MAPK10: variants seen among roughly 807,000 people sequenced by gnomAD.
MAPK10 encodes mitogen-activated protein kinase 10.
In MAPK10, 25 loss-of-function variants were observed where a neutral mutation model predicts 59.3. The observed-to-expected ratio is 0.42, with a 90% CI of 0.31 to 0.59. The LOEUF is 0.59. Among genes scored for constraint, MAPK10 ranks in the 20% least tolerant of loss-of-function variants. The pLI is 0.15. For missense variants in MAPK10, 351 were observed against 568.9 expected (o/e 0.62, Z 3.90); for synonymous variants, 190 against 200.5 (o/e 0.95, Z 0.44).
At chr4:86,148,777 A>G (rs2065645886) in intron 4 of MAPK10, among the ~76,000 whole-genome samples, 1 of 152,238 alleles carries the variant, frequency 6.6e-6, no homozygotes, top group Non-Finnish European at 1.5e-5. Context: ...ATATCTGTGG[A>G]GGAATCTGAA....
At chr4:86,102,880 A>T (rs7688633) in intron 6 of MAPK10, 7,868 of 186,534 alleles carry the variant, frequency 0.042, 653 homozygotes, top group African/African-American at 0.17. Flanking sequence ...CTATTAATAA[A>T]TATAAATAAA....
intron 2 of MAPK10, among the ~76,000 whole-genome samples, chr4:86,232,534 C>A (rs1371298821): frequency 6.6e-6 from 1 of 152,140 alleles, no homozygotes; most frequent in Non-Finnish European, 1.5e-5. Flanking sequence ...CCACCACGCC[C>A]AGCTAATTTT....
At chr4:86,297,148 T>C (rs1260776266) in intron 2 of MAPK10, among the ~76,000 whole-genome samples, 1 of 152,218 alleles carries the variant, frequency 6.6e-6, no homozygotes, top group Non-Finnish European at 1.5e-5. Context: ...AAATCAGGGA[T>C]GTATTTTCAA....
intron 3 of MAPK10, among the ~76,000 whole-genome samples, chr4:86,171,798 A>G (rs1415396598): frequency 8.6e-5 from 13 of 151,110 alleles, no homozygotes; most frequent in Admixed American, 3.9e-4. Context: ...GCAACCTACA[A>G]AATGGGAGAA....
intron 11 of MAPK10, among the ~76,000 whole-genome samples, chr4:86,047,618 TTTTTC>T (rs1173279362): frequency 6.6e-6 from 1 of 152,126 alleles, no homozygotes; most frequent in Non-Finnish European, 1.5e-5. Context: ...CAGTGTATGG[TTTTTC>T]TTTTGTGTGT....
intron 1 of MAPK10, among the ~76,000 whole-genome samples, chr4:86,365,545 G>C (rs1175618486): frequency 6.9e-6 from 1 of 145,502 alleles, no homozygotes; most frequent in Non-Finnish European, 1.5e-5. Context: ...TCCATGTATA[G>C]CATATCATCT....
At chr4:86,150,158 G>A (rs2066055763) in intron 4 of MAPK10, among the ~76,000 whole-genome samples, 1 of 152,184 alleles carries the variant, frequency 6.6e-6, no homozygotes, top group Non-Finnish European at 1.5e-5. Context: ...CAACTTCAAT[G>A]GGGCTGAAGG....
chr4:86,029,139 C>G, intron 13 of MAPK10, 58 bp downstream of exon 13: 2 of 1,192,954 alleles, frequency 1.7e-6, no homozygotes, highest in South Asian at 2.4e-5. Flanking sequence ...AACCCCTACA[C>G]AAAGGCCAAG....
chr4:86,205,893 T>G (rs1295218250), intron 2 of MAPK10, among the ~76,000 whole-genome samples: 1 of 151,930 alleles, frequency 6.6e-6, no homozygotes, highest in African/African-American at 2.4e-5. Context: ...AAAGAGGCAT[T>G]CCCTCTCAGA....
chr4:86,450,474 A>C (rs1462490338), intron 1 of MAPK10, among the ~76,000 whole-genome samples: 2 of 152,220 alleles, frequency 1.3e-5, no homozygotes, highest in Non-Finnish European at 2.9e-5. Flanking sequence ...TTGAAAACAG[A>C]AAGTATTATA....
intron 9 of MAPK10, among the ~76,000 whole-genome samples, chr4:86,075,812 G>T (rs372730393): frequency 6.6e-6 from 1 of 152,080 alleles, no homozygotes; most frequent in African/African-American, 2.4e-5. Context: ...TCAGACAGGG[G>T]CATTTAAGTC....
chr4:86,417,755 G>A (rs1389166651), intron 1 of MAPK10, among the ~76,000 whole-genome samples: 2 of 152,104 alleles, frequency 1.3e-5, no homozygotes, highest in East Asian at 3.8e-4. Flanking sequence ...CATGCTCAAG[G>A]CAGTTCCTGC....
intron 1 of MAPK10, among the ~76,000 whole-genome samples, chr4:86,407,674 T>G (rs955746774): frequency 6.6e-6 from 1 of 152,134 alleles, no homozygotes; most frequent in Non-Finnish European, 1.5e-5. Context: ...AATTTGTGAA[T>G]GTAAAAAGAT....
intron 2 of MAPK10, among the ~76,000 whole-genome samples, chr4:86,259,946 A>G (rs1318936098): frequency 2.0e-5 from 3 of 152,102 alleles, no homozygotes; most frequent in Non-Finnish European, 4.4e-5. Flanking sequence ...TACATATACA[A>G]TGGAGTTTGG....
chr4:86,329,459 A>C (rs1451804400), intron 2 of MAPK10, among the ~76,000 whole-genome samples: 1 of 152,186 alleles, frequency 6.6e-6, no homozygotes, highest in Non-Finnish European at 1.5e-5. Context: ...GTTATATTAC[A>C]ATTTTATTTA....
At chr4:86,455,097 C>G (rs528451335), upstream of MAPK10, among the ~76,000 whole-genome samples, 6 of 152,286 alleles carry the variant, frequency 3.9e-5, no homozygotes, top group South Asian at 1.0e-3. Flanking sequence ...GAATTCGCCA[C>G]TACCAAAGCA....
At chr4:86,344,871 T>C (rs376002900) in intron 2 of MAPK10, among the ~76,000 whole-genome samples, 2 of 152,320 alleles carry the variant, frequency 1.3e-5, no homozygotes, top group South Asian at 2.1e-4. Context: ...TTTTAAAAGA[T>C]TTCTCTTATA....
rs1299891912 is a variant in MAPK10 at position 86,010,926 on chromosome 4, T to C, written c.*6302A>G. On this transcript the variant is annotated 3_prime_UTR_variant, in exon 14 of 14. Transcript: ENST00000641462. ...GACAAGATCAGGTGAAGAACATTAC[T>C]AGAAGTTCAGTGATTAAGAAATAAA... 1 of 152,228 alleles carries C rather than the reference T, an allele frequency of 6.6e-6. No homozygotes were observed. The highest frequency in any genetic ancestry group is 1.5e-5 in the Non-Finnish European group (1 of 68,032). 9.4% of individuals were successfully genotyped at this position (152,228 alleles called of 1,614,324 possible).
intron 1 of MAPK10, among the ~76,000 whole-genome samples, chr4:86,381,508 G>A (rs1040592809): frequency 2.6e-5 from 4 of 152,122 alleles, no homozygotes; most frequent in African/African-American, 9.7e-5. Flanking sequence ...AGACACTCAT[G>A]TTAGCTGTCT....
Sources: allele counts gnomAD v4.1 joint callset (sites outside exome capture counted in the v4.1 genomes callset), GRCh38; gene constraint gnomAD v4.1.1; transcripts MANE v1.5; gene names NCBI Gene and HGNC (gene_info 2026-07-23, HGNC 2026-07-21).